Variants in FOXJ3 observed in about 807,000 individuals in gnomAD.
FOXJ3 encodes the protein forkhead box J3, also known as forkhead box protein J3.
FOXJ3 carries 22 observed loss-of-function variants against 76.1 expected under a neutral mutation model. That is an observed-to-expected ratio of 0.29 (90% CI 0.21 to 0.41). FOXJ3 has a LOEUF of 0.41. Among genes scored for constraint, FOXJ3 ranks in the 10% least tolerant of loss-of-function variants. FOXJ3 has a pLI of 1.00. For synonymous variants in FOXJ3, 269 were observed against 261.2 expected (o/e 1.03, Z -0.29); for missense variants, 613 against 762.1 (o/e 0.80, Z 2.30).
Position 42,179,744 on chromosome 1 carries a change from A to T in FOXJ3, c.1835T>A (p.Ile612Asn). 1.2e-6 allele frequency: 2 copies of T among 1,613,700 alleles called. No individual in the cohort carries two copies. Among genetic ancestry groups the T allele is most frequent in the South Asian group, 1.1e-5 (1 of 91,076 alleles). Residue 612 changes from isoleucine to asparagine, a missense_variant, in exon 13 of 13, where the codon ATC becomes AAC. Ile to Asn is a moderately radical substitution (Grantham distance 149). This residue lies in a region of FOXJ3 where 526 missense variants were observed against 601.4 expected (regional missense o/e 0.87). Coordinates refer to ENST00000361346, the MANE Select transcript of FOXJ3 (RefSeq NM_014947.5). ...TGAATCCCAATCAAAGTCATCCTGG[A>T]TGTCATCTGGAGGCAGGGAACGCCG... is the stretch of plus-strand genomic sequence containing the variant. ...QMRRSLPPDDIQDDFDWDSIV is the reference protein window; with the variant it reads ...QMRRSLPPDDNQDDFDWDSIV
chr1:42,228,040 T>G (rs956462663), intron 4 of FOXJ3, 74 bp from the exon 5 acceptor site: 1 of 720,350 alleles, frequency 1.4e-6, no homozygotes, highest in Non-Finnish European at 2.2e-6. Context: ...TTATAATCCT[T>G]TGCATCAAAA....
chr1:42,316,044 A>C (rs1426998301), intron 1 of FOXJ3, among the ~76,000 whole-genome samples: 1 of 152,226 alleles, frequency 6.6e-6, no homozygotes, highest in Non-Finnish European at 1.5e-5. Context: ...GTGTACATTA[A>C]ACTGAGTTAC....
intron 3 of FOXJ3, among the ~76,000 whole-genome samples, chr1:42,273,615 C>CT (rs1652031505): frequency 1.4e-5 from 2 of 139,908 alleles, no homozygotes; most frequent in South Asian, 4.4e-4. Flanking sequence ...GTAGAGCTTG[C>CT]AGTGAGCCGA....
intron 1 of FOXJ3, chr1:42,323,661 A>G (rs1418880601): frequency 1.0e-6 from 1 of 974,234 alleles, no homozygotes; most frequent in African/African-American, 1.8e-5. Flanking sequence ...ATTTCTTGCT[A>G]AGAGACTATG....
intron 4 of FOXJ3, among the ~76,000 whole-genome samples, chr1:42,263,930 CTTTTTTTTTTTTTT>C (rs61375062): frequency 0.017 from 1,185 of 71,532 alleles, 30 homozygotes; most frequent in African/African-American, 0.053. Context: ...AGTAGGTTAA[CTTTTTTTTTTTTTT>C]TTTTTTTTTT....
chr1:42,321,356 C>A (rs1208361942), intron 1 of FOXJ3, among the ~76,000 whole-genome samples: 2 of 152,024 alleles, frequency 1.3e-5, no homozygotes, highest in African/African-American at 4.8e-5. Context: ...TAGTAGTCTG[C>A]CAAGGACATG....
intron 2 of FOXJ3, among the ~76,000 whole-genome samples, chr1:42,305,639 C>T (rs566088741): frequency 1.3e-5 from 2 of 152,176 alleles, no homozygotes; most frequent in South Asian, 2.1e-4. Context: ...CATGTCCTCA[C>T]TTATTTGTGA....
intron 3 of FOXJ3, among the ~76,000 whole-genome samples, chr1:42,270,481 TA>T (rs1651788320): frequency 6.6e-6 from 1 of 152,120 alleles, no homozygotes; most frequent in Non-Finnish European, 1.5e-5. Context: ...ATTTAGAATG[TA>T]AAAACACTGA....
intron 4 of FOXJ3, among the ~76,000 whole-genome samples, chr1:42,235,145 T>C (rs1223080314): frequency 6.6e-6 from 1 of 152,174 alleles, no homozygotes; most frequent in Non-Finnish European, 1.5e-5. Context: ...TGCAGTTTGA[T>C]CTCAGACTGC....
At chr1:42,206,025 T>C (rs1646854566) in intron 5 of FOXJ3, 162 bp from the exon 6 acceptor site, 1 of 569,026 alleles carries the variant, frequency 1.8e-6, no homozygotes, top group Non-Finnish European at 3.1e-6. Flanking sequence ...AATTTTAGTA[T>C]GCTACTGACT....
At chr1:42,225,196 T>C (rs1177607048) in intron 5 of FOXJ3, among the ~76,000 whole-genome samples, 4 of 152,192 alleles carry the variant, frequency 2.6e-5, no homozygotes, top group Non-Finnish European at 5.9e-5. Flanking sequence ...TGTTTACATG[T>C]GGACAAAGGA....
At chr1:42,286,668 C>T (rs933249164) in intron 2 of FOXJ3, among the ~76,000 whole-genome samples, 15 of 152,072 alleles carry the variant, frequency 9.9e-5, no homozygotes, top group Non-Finnish European at 1.5e-4. Context: ...GAGTTTCACT[C>T]CTGTCGCCCA....
intron 4 of FOXJ3, among the ~76,000 whole-genome samples, chr1:42,231,105 G>A (rs1449320691): frequency 2.0e-5 from 3 of 151,902 alleles, no homozygotes. Flanking sequence ...ACAAGGTCAG[G>A]AGATCCAGAC....
intron 2 of FOXJ3, among the ~76,000 whole-genome samples, chr1:42,303,423 A>G (rs1192383546): frequency 6.6e-6 from 1 of 152,208 alleles, no homozygotes; most frequent in Non-Finnish European, 1.5e-5. Flanking sequence ...TATACACCAC[A>G]TCTGCTTTAT....
Position 42,331,728 on chromosome 1 carries a change from G to A in FOXJ3, c.-18+3331C>T, listed in dbSNP as rs145979128. ...ATGCTGTCCTAAAAATGACTGTGGT[G>A]ATGGTTGCACAACTCTGTGAATACA... On this transcript the variant is annotated intron_variant, in intron 1 of 12. Coordinates refer to ENST00000361346, the MANE Select transcript of FOXJ3 (RefSeq NM_014947.5). 2.6e-5 allele frequency among the ~76,000 whole-genome samples: 4 copies of A among 152,118 alleles called. 1 individual carries two copies. The highest frequency in any genetic ancestry group is 9.6e-5 in the African/African-American group (4 of 41,490).
chr1:42,201,607 T>C (rs1187530935), intron 6 of FOXJ3, among the ~76,000 whole-genome samples: 8 of 152,216 alleles, frequency 5.3e-5, no homozygotes. Context: ...TTTTATGTAT[T>C]GCTGGGTTAA....
chr1:42,200,772 C>T (rs952522774), intron 6 of FOXJ3, among the ~76,000 whole-genome samples: 4 of 152,126 alleles, frequency 2.6e-5, no homozygotes, highest in African/African-American at 7.2e-5. Context: ...CATGAACCAC[C>T]GCACCTGGCC....
chr1:42,209,742 G>A (rs1416658160), intron 5 of FOXJ3, among the ~76,000 whole-genome samples: 3 of 152,204 alleles, frequency 2.0e-5, no homozygotes, highest in Admixed American at 6.5e-5. Context: ...CAGCAGGCCC[G>A]GAGGGAAGCC....
chr1:42,324,543 G>A lies in FOXJ3; in HGVS notation c.-18+10516C>T, dbSNP rs145258662. Among the ~76,000 whole-genome samples the A allele has an allele frequency of 5.9e-5, 9 of 151,926 alleles. No individual in the cohort carries two copies. In the East Asian group the frequency reaches 1.2e-3, roughly 20 times the overall value. On this transcript the variant is annotated intron_variant, in intron 1 of 12. Transcript: ENST00000361346. ...ACAACAGGGATACTTTCTAAGAAAC[G>A]TGTCGTTAGGCGATTTCATCACTGT...
Sources: allele counts gnomAD v4.1 joint callset (sites outside exome capture counted in the v4.1 genomes callset), GRCh38; gene constraint gnomAD v4.1.1; regional missense constraint gnomAD v4.1.1; transcripts MANE v1.5; gene names NCBI Gene and HGNC (gene_info 2026-07-23, HGNC 2026-07-21).